CADPS: variants seen among roughly 807,000 people sequenced by gnomAD.
CADPS encodes calcium dependent secretion activator, also known as calcium-dependent secretion activator 1.
Under a neutral mutation model 167.3 loss-of-function variants are expected in CADPS, and 57 were observed. That is an observed-to-expected ratio of 0.34 (90% CI 0.28 to 0.42). The LOEUF is 0.42. Among genes scored for constraint, CADPS ranks in the 20% least tolerant of loss-of-function variants. CADPS has a pLI of 1.00. For synonymous variants in CADPS, 676 were observed against 635.3 expected (o/e 1.06, Z -0.96); for missense variants, 1,414 against 1,738.1 (o/e 0.81, Z 3.32).
At chr3:62,845,028 C>A (rs2077186473) in intron 1 of CADPS, among the ~76,000 whole-genome samples, 1 of 152,212 alleles carries the variant, frequency 6.6e-6, no homozygotes, top group Non-Finnish European at 1.5e-5. Flanking sequence ...GGAAACTCGT[C>A]ATCACAGGGT....
Position 62,601,268 on chromosome 3 carries a change from C to T in CADPS, c.1326-8520G>A, listed in dbSNP as rs1349200196. ...GCCCATCAATAACGTTTTATTAGAACATAGTTAGCTTACTCATTTTTGTTT... is the reference window on the plus strand; with the variant it reads ...GCCCATCAATAACGTTTTATTAGAATATAGTTAGCTTACTCATTTTTGTTT... On this transcript the variant is annotated intron_variant, in intron 6 of 29. Transcript: ENST00000383710. This position sits in a 1 kb window ranked among gnomAD's most constrained non-coding sequence, Gnocchi z 4.3. Among the ~76,000 whole-genome samples, 2 of 152,104 alleles carry T rather than the reference C, an allele frequency of 1.3e-5. No homozygotes were observed. Among genetic ancestry groups the T allele is most frequent in the Non-Finnish European group, 1.5e-5 (1 of 68,018 alleles).
chr3:62,738,892 G>T (rs1166598992), intron 3 of CADPS, among the ~76,000 whole-genome samples: 1 of 151,992 alleles, frequency 6.6e-6, no homozygotes, highest in Non-Finnish European at 1.5e-5. Flanking sequence ...AAATAAATTG[G>T]TAAAATAAGT....
intron 2 of CADPS, among the ~76,000 whole-genome samples, chr3:62,764,740 C>A (rs1317790793): frequency 6.6e-6 from 1 of 152,126 alleles, no homozygotes; most frequent in Non-Finnish European, 1.5e-5. Flanking sequence ...GATGGGCAGA[C>A]TAAGTACGTG....
chr3:62,452,543 T>C (rs2058201143), intron 26 of CADPS, among the ~76,000 whole-genome samples: 1 of 151,940 alleles, frequency 6.6e-6, no homozygotes, highest in African/African-American at 2.4e-5. Flanking sequence ...TTAAGTGATA[T>C]GAATTAAGAA....
At chr3:62,481,476 G>C (rs2150833764) in intron 22 of CADPS, among the ~76,000 whole-genome samples, 1 of 152,252 alleles carries the variant, frequency 6.6e-6, no homozygotes, top group East Asian at 1.9e-4. Context: ...AAAGAATTCA[G>C]GAAGTGAAAC....
intron 2 of CADPS, among the ~76,000 whole-genome samples, chr3:62,760,704 A>C (rs1424137916): frequency 6.6e-6 from 1 of 152,166 alleles, no homozygotes; most frequent in Non-Finnish European, 1.5e-5. Context: ...GGTACCATGG[A>C]ATAGTTGTAG....
At chr3:62,683,071 G>T (rs954997608) in intron 3 of CADPS, among the ~76,000 whole-genome samples, 1 of 152,060 alleles carries the variant, frequency 6.6e-6, no homozygotes, top group African/African-American at 2.4e-5. Flanking sequence ...CTGGAGTAAG[G>T]GTGAGGAGGA....
At chr3:62,530,724 T>A (rs1432320557) in intron 13 of CADPS, 2 of 1,289,216 alleles carry the variant, frequency 1.6e-6, no homozygotes, top group Non-Finnish European at 2.0e-6. Context: ...GTATCTTTTT[T>A]AGCTTCTGGT....
intron 6 of CADPS, among the ~76,000 whole-genome samples, chr3:62,631,254 G>A (rs2065225430): frequency 2.0e-5 from 3 of 152,104 alleles, no homozygotes; most frequent in Admixed American, 2.0e-4. Context: ...AAAACTAATT[G>A]TATTAACCTT....
chr3:62,746,431 T>C (rs2081465361), intron 3 of CADPS, among the ~76,000 whole-genome samples: 1 of 152,028 alleles, frequency 6.6e-6, no homozygotes, highest in South Asian at 2.1e-4. Flanking sequence ...CACCTCCTGG[T>C]CTCAAGCGAT....
intron 17 of CADPS, among the ~76,000 whole-genome samples, chr3:62,502,807 G>A (rs2065984360): frequency 6.6e-6 from 1 of 152,104 alleles, no homozygotes; most frequent in Non-Finnish European, 1.5e-5. Context: ...TGTTTGGGTG[G>A]GTGGAGGAGG....
chr3:62,729,499 T>C (rs1271585907), intron 3 of CADPS, among the ~76,000 whole-genome samples: 1 of 151,892 alleles, frequency 6.6e-6, no homozygotes, highest in Non-Finnish European at 1.5e-5. Context: ...AAGAGCTCAG[T>C]CTTTAATATC....
chr3:62,675,524 G>A (rs1580203128), intron 3 of CADPS, among the ~76,000 whole-genome samples: 1 of 152,230 alleles, frequency 6.6e-6, no homozygotes, highest in African/African-American at 2.4e-5. Flanking sequence ...TTGGCTTAGA[G>A]GAGGGAAATA....
chr3:62,669,356 G>A (rs966479486), intron 3 of CADPS, among the ~76,000 whole-genome samples: 3 of 152,272 alleles, frequency 2.0e-5, no homozygotes, highest in Middle Eastern at 3.4e-3. Context: ...TCCAGCAAAT[G>A]CTGCCTTCCT....
intron 6 of CADPS, among the ~76,000 whole-genome samples, chr3:62,600,549 C>T (rs1465268501): frequency 6.6e-6 from 1 of 152,086 alleles, no homozygotes; most frequent in Non-Finnish European, 1.5e-5. Context: ...CTAAAAGCGC[C>T]ATATTGGCAT....
At chr3:62,699,632 C>T (rs1310460241) in intron 3 of CADPS, among the ~76,000 whole-genome samples, 1 of 152,024 alleles carries the variant, frequency 6.6e-6, no homozygotes, top group Non-Finnish European at 1.5e-5. Context: ...GCAGTGGTGC[C>T]ATCTTGGCTT....
chr3:62,822,905 C>T (rs986665859), intron 1 of CADPS, among the ~76,000 whole-genome samples: 7 of 151,798 alleles, frequency 4.6e-5, no homozygotes, highest in African/African-American at 1.2e-4. Context: ...CTTGGCTGAT[C>T]GGACATTTCA....
chr3:62,532,720 TGTGTGTG>T, intron 13 of CADPS, 144 bp downstream of exon 13: 1 of 4,382 alleles, frequency 2.3e-4, no homozygotes, highest in African/African-American at 7.0e-4. Flanking sequence ...GTGCCCTTTG[TGTGTGTG>T]TGTGTGTGTG....
At chr3:62,475,608 A>C (rs1176217995) in intron 23 of CADPS, among the ~76,000 whole-genome samples, 3 of 150,648 alleles carry the variant, frequency 2.0e-5, no homozygotes, top group African/African-American at 4.9e-5. Flanking sequence ...AAAAAAAAAA[A>C]AAAACACCTA....
Sources: gnomAD v4.1 joint callset for allele counts (sites outside exome capture counted in the v4.1 genomes callset) on GRCh38, gnomAD v4.1.1 for gene constraint, Gnocchi (gnomAD v3.1) non-coding constraint, MANE v1.5 for transcripts, NCBI Gene and HGNC (gene_info 2026-07-23, HGNC 2026-07-21) for gene names.